Variants in DSCAM observed in about 807,000 individuals in gnomAD.
The protein encoded by DSCAM is cell adhesion molecule DSCAM.
In DSCAM, 47 loss-of-function variants were observed where a neutral mutation model predicts 217.7. That is an observed-to-expected ratio of 0.22 (90% CI 0.17 to 0.28). DSCAM has a LOEUF of 0.28. DSCAM is among the 10% of genes least tolerant of loss of function. The pLI is 1.00. For missense variants in DSCAM, 2,080 were observed against 2,618.3 expected, an observed-to-expected ratio of 0.79 and a Z score of 4.49; for synonymous variants, 1,056 against 1,015.3, an observed-to-expected ratio of 1.04 and a Z score of -0.76.
chr21:40,175,998 A>G lies in DSCAM; in HGVS notation c.2947+2929T>C, dbSNP rs572289662. ...GAGGGGGCCACAGCCCCTCCACATCAGGTGGTATATCATCATGGACAGCAG... is the reference window on the plus strand; with the variant it reads ...GAGGGGGCCACAGCCCCTCCACATCGGGTGGTATATCATCATGGACAGCAG... On this transcript the variant is annotated intron_variant, in intron 15 of 32. Transcript: ENST00000400454. Among the ~76,000 whole-genome samples, 3 of 151,988 alleles carry G rather than the reference A, an allele frequency of 2.0e-5. No individual in the cohort carries two copies. In the East Asian group the frequency reaches 5.9e-4, roughly 30 times the overall value.
chr21:40,052,332 G>T (rs1269624702), intron 29 of DSCAM, among the ~76,000 whole-genome samples: 3 of 152,212 alleles, frequency 2.0e-5, no homozygotes, highest in Non-Finnish European at 2.9e-5. Flanking sequence ...GGAGCAATGA[G>T]CTAAGAAGAA....
chr21:40,170,391 C>T (rs2090643719), intron 15 of DSCAM, among the ~76,000 whole-genome samples: 3 of 152,200 alleles, frequency 2.0e-5, no homozygotes, highest in Admixed American at 2.0e-4. Flanking sequence ...TTTGTAGATG[C>T]TGAAATGCTG....
chr21:40,066,935 T>C (rs1197667679), intron 27 of DSCAM, among the ~76,000 whole-genome samples: 1 of 152,226 alleles, frequency 6.6e-6, no homozygotes. Flanking sequence ...ATTAATCTAT[T>C]GTTGTTGAAA....
chr21:40,775,476 C>T (rs2091480025), intron 1 of DSCAM, among the ~76,000 whole-genome samples: 1 of 152,104 alleles, frequency 6.6e-6, no homozygotes, highest in African/African-American at 2.4e-5. Flanking sequence ...TCCATGTTGT[C>T]AGGTGCACCA....
chr21:40,474,622 G>T (rs1027543182), intron 3 of DSCAM, among the ~76,000 whole-genome samples: 1 of 152,090 alleles, frequency 6.6e-6, no homozygotes, highest in Non-Finnish European at 1.5e-5. Context: ...GAAAAATGCC[G>T]CTTCCATTCT....
At chr21:40,337,211 G>A (rs574295899) in intron 8 of DSCAM, among the ~76,000 whole-genome samples, 1 of 152,216 alleles carries the variant, frequency 6.6e-6, no homozygotes, top group East Asian at 1.9e-4. Context: ...TTTGTAACAA[G>A]GGCAACTAAA....
intron 3 of DSCAM, among the ~76,000 whole-genome samples, chr21:40,682,662 C>T (rs372284513): frequency 1.1e-4 from 1 of 9,116 alleles, no homozygotes; most frequent in Non-Finnish European, 2.3e-4. Context: ...GGGAAGGGAG[C>T]GGAGGGGGAG....
chr21:40,730,352 ACTT>A (rs1246430294), intron 1 of DSCAM, among the ~76,000 whole-genome samples: 1 of 152,168 alleles, frequency 6.6e-6, no homozygotes. Context: ...AAGGAATGAG[ACTT>A]CTTAAATATT....
At chr21:40,255,297 C>T (rs1351594311) in intron 11 of DSCAM, among the ~76,000 whole-genome samples, 2 of 152,142 alleles carry the variant, frequency 1.3e-5, no homozygotes, top group Admixed American at 1.3e-4. Flanking sequence ...CGCTCTGCAA[C>T]CCCATGTTAT....
At chr21:40,300,170 C>T (rs948416027) in intron 9 of DSCAM, among the ~76,000 whole-genome samples, 1 of 152,150 alleles carries the variant, frequency 6.6e-6, no homozygotes, top group African/African-American at 2.4e-5. Context: ...ACGATGATTG[C>T]CTTTATCTTC....
chr21:40,036,235 T>A (rs1000775491), intron 32 of DSCAM, among the ~76,000 whole-genome samples: 1 of 148,716 alleles, frequency 6.7e-6, no homozygotes, highest in Non-Finnish European at 1.5e-5. Flanking sequence ...GAGCTGGTTT[T>A]TTGAAAGGAT....
intron 1 of DSCAM, among the ~76,000 whole-genome samples, chr21:40,717,799 C>G (rs1753753094): frequency 6.6e-6 from 1 of 152,170 alleles, no homozygotes; most frequent in South Asian, 2.1e-4. Flanking sequence ...TTTATGGTAT[C>G]TAAATTATAT....
chr21:40,182,016 C>T (rs548908337), intron 14 of DSCAM, among the ~76,000 whole-genome samples: 18 of 152,028 alleles, frequency 1.2e-4, no homozygotes, highest in Admixed American at 2.6e-4. Flanking sequence ...AGTGAGACTG[C>T]GCTGGGTGCT....
chr21:40,013,503 A>G (rs1298163971), intron 32 of DSCAM, 117 bp from the exon 33 acceptor site: 3 of 691,960 alleles, frequency 4.3e-6, no homozygotes, highest in Non-Finnish European at 6.6e-6. Flanking sequence ...CGCTGCACAC[A>G]GGTGCCTTTC....
chr21:40,829,537 T>A (rs1176593472), intron 1 of DSCAM, among the ~76,000 whole-genome samples: 9 of 152,072 alleles, frequency 5.9e-5, no homozygotes, highest in East Asian at 1.9e-4. Context: ...TATCACAAAG[T>A]CTATAGTCTC....
chr21:40,065,461 G>A lies in DSCAM; in HGVS notation c.4889-2562C>T, dbSNP rs150952272. On this transcript the variant is annotated intron_variant, in intron 27 of 32. Transcript: ENST00000400454. ...GCCAAGAAAAAAATTTAAAGTCCCGGAATCACAGAATCTTAAGAGCAATAA... is the reference window on the plus strand; with the variant it reads ...GCCAAGAAAAAAATTTAAAGTCCCGAAATCACAGAATCTTAAGAGCAATAA... Among the ~76,000 whole-genome samples the A allele has an allele frequency of 4.1e-3, 620 of 152,232 alleles. 4 individuals are homozygous for A. The highest frequency in any genetic ancestry group is 0.014 in the African/African-American group (594 of 41,518).
chr21:40,481,595 T>C (rs898049500), intron 3 of DSCAM, among the ~76,000 whole-genome samples: 1 of 142,842 alleles, frequency 7.0e-6, no homozygotes, highest in African/African-American at 2.6e-5. Flanking sequence ...AACAATGAAA[T>C]GGACTCAAAT....
At chr21:40,516,977 TTATA>T (rs2076305431) in intron 3 of DSCAM, among the ~76,000 whole-genome samples, 1 of 147,468 alleles carries the variant, frequency 6.8e-6, no homozygotes, top group East Asian at 2.0e-4. Flanking sequence ...TATACATATA[TTATA>T]TATATACATA....
chr21:40,687,056 G>A (rs2090487302), intron 3 of DSCAM, among the ~76,000 whole-genome samples: 1 of 152,178 alleles, frequency 6.6e-6, no homozygotes, highest in African/African-American at 2.4e-5. Context: ...GTTCTGAGCT[G>A]AGAATACTTT....
Sources: allele counts gnomAD v4.1 joint callset (sites outside exome capture counted in the v4.1 genomes callset), GRCh38; gene constraint gnomAD v4.1.1; transcripts MANE v1.5; gene names NCBI Gene and HGNC (gene_info 2026-07-23, HGNC 2026-07-21).